Variants in PCM1 observed in about 807,000 individuals in gnomAD.
The protein encoded by PCM1 is pericentriolar material 1 protein.
Under a neutral mutation model 241.9 loss-of-function variants are expected in PCM1, and 157 were observed. The ratio of observed to expected loss-of-function variants is 0.65; its 90% confidence interval spans 0.57 to 0.74. The LOEUF is 0.74. PCM1 is among the 30% of genes least tolerant of loss of function. PCM1 has a pLI of 0.00. For synonymous variants in PCM1, 1,085 were observed against 784.9 expected, an observed-to-expected ratio of 1.38 and a Z score of -6.39; for missense variants, 3,478 against 2,360.1, an observed-to-expected ratio of 1.47 and a Z score of -9.81.
chr8:17,938,992 G>A lies in PCM1; in HGVS notation c.595G>A (p.Ala199Thr). 2 of 1,613,656 alleles carry A rather than the reference G, an allele frequency of 1.2e-6. No individual in the cohort carries two copies. Among genetic ancestry groups the A allele is most frequent in the African/African-American group, 1.3e-5 (1 of 75,042 alleles). The change falls in exon 5 of 39, where the codon GCA becomes ACA. Residue 199 changes from alanine to threonine, a missense_variant. Transcript: ENST00000325083. The stretch of plus-strand genomic sequence containing the variant: ...TGAAGAAGATGGGAGGGGAGAACCT[G>A]CAATGGAGAGCAGCCAGGTGATAAC... ...VSEEDGRGEPAMESSQIVSRL... is the reference protein window; with the variant it reads ...VSEEDGRGEPTMESSQIVSRL...
At chr8:17,993,909 G>C (rs1465394999) in intron 29 of PCM1, among the ~76,000 whole-genome samples, 1 of 151,834 alleles carries the variant, frequency 6.6e-6, no homozygotes, top group African/African-American at 2.4e-5. Flanking sequence ...TTTAGTTTTT[G>C]TGAGTGTATA....
At chr8:17,967,348 G>T (rs540342398) in intron 21 of PCM1, among the ~76,000 whole-genome samples, 178 bp downstream of exon 21, 40 of 142,538 alleles carry the variant, frequency 2.8e-4, no homozygotes, top group African/African-American at 1.0e-3. Context: ...TACTCTTCTT[G>T]TCCAGGCTGG....
chr8:17,926,116 GGTGGGCTTTA>G (rs1334134484), intron 2 of PCM1: 1 of 151,890 alleles, frequency 6.6e-6, no homozygotes, highest in Non-Finnish European at 1.5e-5. Context: ...ATTGCTGTAT[GGTGGGCTTTA>G]GTAAAATAAA....
intron 6 of PCM1, among the ~76,000 whole-genome samples, chr8:17,944,537 A>G (rs1352916692): frequency 6.6e-6 from 1 of 152,132 alleles, no homozygotes; most frequent in South Asian, 2.1e-4. Context: ...TGCCTAAGTT[A>G]TTTTTTTAAT....
At chr8:17,959,466 G>C (rs2070555623) in intron 13 of PCM1, among the ~76,000 whole-genome samples, 2 of 152,044 alleles carry the variant, frequency 1.3e-5, no homozygotes, top group South Asian at 4.1e-4. Flanking sequence ...ATGCACCAAA[G>C]AATATACTTG....
rs1422784873 is a variant in PCM1 at position 18,014,725 on chromosome 8, C to T, written c.5726C>T (p.Pro1909Leu). The T allele has an allele frequency of 1.9e-6, 3 of 1,613,212 alleles. No individual in the cohort carries two copies. Among genetic ancestry groups the T allele is most frequent in the Non-Finnish European group, 1.7e-6 (2 of 1,179,840 alleles). Residue 1909 changes from proline to leucine, a missense_variant, in exon 36 of 39, where the codon CCT (proline) becomes CTT (leucine). Transcript: ENST00000325083. ...QQPNPLPLRL[P>L]EMEPLVPRVK... Reference sequence around the variant, plus strand: ...CCTAACCCTTTGCCGTTACGTTTACCTGAAATGGAACCCTTAGTGCCTAGA... The same window carrying T: ...CCTAACCCTTTGCCGTTACGTTTACTTGAAATGGAACCCTTAGTGCCTAGA...
Position 17,969,724 on chromosome 8 carries a change from C to A in PCM1, c.3560C>A (p.Ser1187Tyr), listed in dbSNP as rs778874077. 2 of 1,599,432 alleles carry A rather than the reference C, an allele frequency of 1.3e-6. No homozygotes were observed. Residue 1187 changes from serine to tyrosine, a missense_variant, in exon 22 of 39, where the codon TCC (serine) becomes TAC (tyrosine). By Grantham distance (144) the Ser-to-Tyr change is moderately radical (BLOSUM62 -2). Coordinates refer to ENST00000325083, the MANE Select transcript of PCM1 (RefSeq NM_006197.4). ...MAFPKPFESSSSIGAEKPRNK... is the reference protein window; with the variant it reads ...MAFPKPFESSYSIGAEKPRNK... ...TTTCCAAAACCTTTTGAAAGCAGTTCCTCTATTGGAGCAGAGAAACCAAGG... is the reference window on the plus strand; with the variant it reads ...TTTCCAAAACCTTTTGAAAGCAGTTACTCTATTGGAGCAGAGAAACCAAGG...
At chr8:17,990,625 A>C (rs1424524175) in intron 27 of PCM1, among the ~76,000 whole-genome samples, 1 of 152,038 alleles carries the variant, frequency 6.6e-6, no homozygotes, top group Non-Finnish European at 1.5e-5. Flanking sequence ...GATACTTGAT[A>C]CGTTTCTAGA....
chr8:17,927,886 C>A (rs1316593999), intron 2 of PCM1: 2 of 129,908 alleles, frequency 1.5e-5, no homozygotes, highest in Admixed American at 7.8e-5. Flanking sequence ...AAAAAAAAGT[C>A]ATTGAAAGTA....
intron 36 of PCM1, among the ~76,000 whole-genome samples, chr8:18,023,829 CTG>C (rs1296196666): frequency 1.3e-5 from 2 of 152,226 alleles, no homozygotes; most frequent in Non-Finnish European, 2.9e-5. Context: ...GAAGCTAACA[CTG>C]TGTAAACTTG....
intron 13 of PCM1, among the ~76,000 whole-genome samples, chr8:17,958,190 A>T (rs2069600306): frequency 6.6e-6 from 1 of 152,202 alleles, no homozygotes; most frequent in South Asian, 2.1e-4. Flanking sequence ...GCAGCATCTC[A>T]ATGAGGTAGA....
chr8:17,986,148 A>C, intron 26 of PCM1, 61 bp downstream of exon 26: 1 of 1,164,548 alleles, frequency 8.6e-7, no homozygotes, highest in East Asian at 2.7e-5. Flanking sequence ...AATAAAAGTT[A>C]AATAGATTAT....
intron 24 of PCM1, among the ~76,000 whole-genome samples, 194 bp from the exon 25 acceptor site, chr8:17,985,253 C>G (rs1040461453): frequency 2.0e-5 from 3 of 151,654 alleles, no homozygotes; most frequent in African/African-American, 7.3e-5. Flanking sequence ...GTATAAAATG[C>G]ATATCTTGAT....
rs754871373 is a variant in PCM1, at chr8:17,950,602, A to G, written c.962-13A>G. 5 of 1,331,038 alleles carry G rather than the reference A, an allele frequency of 3.8e-6. No homozygotes were observed. In the South Asian group the frequency reaches 4.9e-5, roughly 13 times the overall value. The allele number at this position is 1,331,038 out of a possible 1,614,324, so 82.5% of individuals were successfully genotyped here. A position where few individuals can be genotyped will look rare whatever the true frequency, so the allele number is the denominator to read the frequency against. On this transcript the variant is annotated splice_polypyrimidine_tract_variant and intron_variant, in intron 7 of 38. Coordinates refer to ENST00000325083, the MANE Select transcript of PCM1 (RefSeq NM_006197.4). Reference sequence around the variant, plus strand: ...TTATTTACATTAATCAGTAGTTACTAATTTCTTTCCAGTTGTTGCAGAAAC... The same window carrying G: ...TTATTTACATTAATCAGTAGTTACTGATTTCTTTCCAGTTGTTGCAGAAAC...
intron 28 of PCM1, among the ~76,000 whole-genome samples, chr8:17,993,047 GT>G (rs755176738): frequency 3.3e-5 from 5 of 149,702 alleles, no homozygotes; most frequent in South Asian, 4.2e-4. Flanking sequence ...TGGGTTGTCT[GT>G]TTACTCAGAT....
chr8:17,951,878 T>C (rs895777282), intron 8 of PCM1, among the ~76,000 whole-genome samples: 1 of 152,182 alleles, frequency 6.6e-6, no homozygotes, highest in African/African-American at 2.4e-5. Flanking sequence ...ATATTCATTA[T>C]ATGATTTCCT....
intron 2 of PCM1, among the ~76,000 whole-genome samples, chr8:17,931,924 G>C (rs759215523): frequency 3.9e-5 from 6 of 151,930 alleles, no homozygotes; most frequent in Non-Finnish European, 8.8e-5. Flanking sequence ...GAAAATATGA[G>C]ACAGAAAAAA....
intron 15 of PCM1, among the ~76,000 whole-genome samples, chr8:17,961,543 C>T (rs555601381): frequency 2.0e-5 from 3 of 152,154 alleles, no homozygotes; most frequent in South Asian, 4.1e-4. Flanking sequence ...AGTCTCCTGC[C>T]GTCGTGATCC....
intron 2 of PCM1, among the ~76,000 whole-genome samples, chr8:17,933,395 A>C (rs2059574767): frequency 6.6e-6 from 1 of 152,156 alleles, no homozygotes. Context: ...ACAGATGGTA[A>C]CTTTTTTTTC....
Sources: gnomAD v4.1 joint callset for allele counts (sites outside exome capture counted in the v4.1 genomes callset) on GRCh38, gnomAD v4.1.1 for gene constraint, MANE v1.5 for transcripts, NCBI Gene and HGNC (gene_info 2026-07-23, HGNC 2026-07-21) for gene names.